Variants in MARK1 observed in about 807,000 individuals in gnomAD.
The protein encoded by MARK1 is serine/threonine-protein kinase MARK1.
In MARK1, 40 loss-of-function variants were observed where a neutral mutation model predicts 96.3. That is an observed-to-expected ratio of 0.42 (90% CI 0.32 to 0.54). The LOEUF (loss-of-function observed/expected upper bound fraction) is 0.54. Ranked by LOEUF, MARK1 falls within the 20% of genes least tolerant of loss-of-function variation. The pLI is 0.16. For synonymous variants in MARK1, 317 were observed against 341.2 expected (o/e 0.93, Z 0.78); for missense variants, 719 against 984.6 (o/e 0.73, Z 3.61).
chr1:220,610,568 G>A lies in MARK1; in HGVS notation c.496-5371G>A, dbSNP rs147874257. Among the ~76,000 whole-genome samples the A allele has an allele frequency of 1.9e-3, 296 of 152,224 alleles. 2 individuals carry two copies. Among genetic ancestry groups the A allele is most frequent in the African/African-American group, 6.7e-3 (280 of 41,544 alleles). On this transcript the variant is annotated intron_variant, in intron 6 of 17. Transcript: ENST00000366917. ...CTACTTCTGTCAACTTGTCAAAGTC[G>A]TTCTCCGTCCAGCTTTGTTCTGTTG...
At chr1:220,551,374 A>G (rs572965398) in intron 1 of MARK1, among the ~76,000 whole-genome samples, 1 of 152,324 alleles carries the variant, frequency 6.6e-6, no homozygotes, top group South Asian at 2.1e-4. Context: ...CTAGGACCAT[A>G]GAGAGAAGGG....
At chr1:220,591,434 C>T (rs759377122) in intron 3 of MARK1, among the ~76,000 whole-genome samples, 19 of 152,124 alleles carry the variant, frequency 1.2e-4, no homozygotes, top group Non-Finnish European at 8.8e-5. Flanking sequence ...ACAGTGTTGT[C>T]TTCAGTATAC....
chr1:220,655,132 A>G (rs1462527936), intron 16 of MARK1, among the ~76,000 whole-genome samples: 2 of 152,192 alleles, frequency 1.3e-5, no homozygotes, highest in Non-Finnish European at 2.9e-5. Context: ...CCTACCTCAC[A>G]GACTAGCTAT....
intron 11 of MARK1, among the ~76,000 whole-genome samples, chr1:220,633,015 G>C (rs1235197120): frequency 6.6e-6 from 1 of 152,224 alleles, no homozygotes; most frequent in Non-Finnish European, 1.5e-5. Flanking sequence ...AGACATGATG[G>C]AAGGTGAGGG....
intron 1 of MARK1, among the ~76,000 whole-genome samples, chr1:220,566,242 A>G (rs1663049083): frequency 6.6e-6 from 1 of 152,214 alleles, no homozygotes; most frequent in Non-Finnish European, 1.5e-5. Flanking sequence ...AGGGATTACA[A>G]GTAGTTGCCA....
intron 1 of MARK1, among the ~76,000 whole-genome samples, chr1:220,534,310 TTATTC>T (rs1032872167): frequency 3.3e-5 from 5 of 152,100 alleles, no homozygotes; most frequent in Admixed American, 3.3e-4. Flanking sequence ...AACATTAAAA[TTATTC>T]TAGCTATTTT....
At chr1:220,647,099 T>A (rs2103042934) in intron 13 of MARK1, among the ~76,000 whole-genome samples, 1 of 152,170 alleles carries the variant, frequency 6.6e-6, no homozygotes, top group South Asian at 2.1e-4. Context: ...AAATAAACTG[T>A]CATCAGAGTG....
At chr1:220,636,150 A>G (rs552712236) in intron 13 of MARK1, 124 bp downstream of exon 13, 2 of 695,760 alleles carry the variant, frequency 2.9e-6, no homozygotes, top group South Asian at 6.3e-5. Context: ...AATTTAAAGA[A>G]CATGCAAAAG....
At chr1:220,635,629 C>G in intron 12 of MARK1, 100 bp downstream of exon 12, 1 of 1,326,818 alleles carries the variant, frequency 7.5e-7, no homozygotes, top group Non-Finnish European at 1.0e-6. Flanking sequence ...CTTGTGTTAT[C>G]TAGTTCTCAC....
intron 1 of MARK1, among the ~76,000 whole-genome samples, chr1:220,575,501 C>T (rs1663770658): frequency 6.6e-6 from 1 of 152,180 alleles, no homozygotes; most frequent in African/African-American, 2.4e-5. Context: ...GTGAGATCAG[C>T]TATCCCAAAC....
chr1:220,657,896 ATACT>A, intron 17 of MARK1, 62 bp downstream of exon 17: 2 of 1,226,044 alleles, frequency 1.6e-6, no homozygotes, highest in East Asian at 2.8e-5. Flanking sequence ...TACTTTTGAA[ATACT>A]TACAGCACTT....
chr1:220,582,567 T>C (rs567821397), intron 3 of MARK1, among the ~76,000 whole-genome samples: 2 of 96,298 alleles, frequency 2.1e-5, no homozygotes, highest in South Asian at 3.4e-4. Flanking sequence ...TAGTTGTGGG[T>C]TACTCTGGCA....
intron 16 of MARK1, among the ~76,000 whole-genome samples, chr1:220,655,308 G>A (rs1003520495): frequency 1.3e-5 from 2 of 152,100 alleles, no homozygotes; most frequent in African/African-American, 4.8e-5. Context: ...ATTCCGTCCT[G>A]TATGAACAAC....
intron 1 of MARK1, among the ~76,000 whole-genome samples, chr1:220,535,827 C>T (rs1291115805): frequency 2.0e-5 from 3 of 152,082 alleles, no homozygotes; most frequent in Non-Finnish European, 4.4e-5. Flanking sequence ...ACTGTGTATG[C>T]ATGGGTTCAT....
intron 1 of MARK1, among the ~76,000 whole-genome samples, chr1:220,530,498 G>T (rs1660246901): frequency 6.6e-6 from 1 of 152,128 alleles, no homozygotes; most frequent in South Asian, 2.1e-4. Context: ...GCAAATTACT[G>T]TATGTGTTAA....
chr1:220,655,042 C>T (rs1034920617), intron 16 of MARK1, among the ~76,000 whole-genome samples: 1 of 152,198 alleles, frequency 6.6e-6, no homozygotes, highest in African/African-American at 2.4e-5. Context: ...TGATGGGTCT[C>T]CTGCCTTCCT....
chr1:220,570,163 A>G (rs577538986), intron 1 of MARK1, among the ~76,000 whole-genome samples: 2 of 152,232 alleles, frequency 1.3e-5, no homozygotes, highest in East Asian at 3.9e-4. Context: ...ACCAAATATG[A>G]CACTGAACCT....
At position 220,647,723 on chromosome 1, in the gene MARK1, A is replaced by T. The variant is rs111276418; in HGVS notation, c.1471-2897A>T. 2.1e-4 allele frequency among the ~76,000 whole-genome samples: 32 copies of T among 152,316 alleles called. 1 individual carries two copies. Among genetic ancestry groups the T allele is most frequent in the African/African-American group, 7.7e-4 (32 of 41,562 alleles). ...GACTACTATGCAGCCATAAAAAGGAATGAGATCATGTCCTTTGCAGGAACA... is the reference window on the plus strand; with the variant it reads ...GACTACTATGCAGCCATAAAAAGGATTGAGATCATGTCCTTTGCAGGAACA... On this transcript the variant is annotated intron_variant, in intron 13 of 17. Transcript: ENST00000366917.
chr1:220,594,470 T>G (rs1424368953), intron 3 of MARK1, among the ~76,000 whole-genome samples: 1 of 152,196 alleles, frequency 6.6e-6, no homozygotes, highest in African/African-American at 2.4e-5. Context: ...GGCAGTTTCT[T>G]ACAAAACTAC....
Sources: gnomAD v4.1 joint callset for allele counts (sites outside exome capture counted in the v4.1 genomes callset) on GRCh38, gnomAD v4.1.1 for gene constraint, MANE v1.5 for transcripts, NCBI Gene and HGNC (gene_info 2026-07-23, HGNC 2026-07-21) for gene names.